SLC4A9: variants seen among roughly 807,000 people sequenced by gnomAD.
The protein encoded by SLC4A9 is anion exchange protein 4.
In SLC4A9, 102 loss-of-function variants were observed where a neutral mutation model predicts 103.2. The observed-to-expected ratio is 0.99, with a 90% CI of 0.84 to 1.17. The LOEUF (loss-of-function observed/expected upper bound fraction) is 1.17, where lower values mean the gene tolerates loss of function less well. Among genes scored for constraint, SLC4A9 ranks in the 50% most tolerant of loss-of-function variants. The pLI is 0.00. For synonymous variants in SLC4A9, 453 were observed against 483.6 expected (o/e 0.94, Z 0.83); for missense variants, 1,091 against 1,193.7 (o/e 0.91, Z 1.27).
At chr5:140,374,739 C>T (rs1769259298) in intron 21 of SLC4A9, 88 bp from the exon 22 acceptor site, 1 of 152,264 alleles carries the variant, frequency 6.6e-6, no homozygotes, top group East Asian at 1.9e-4. Context: ...CCCCTGAGCA[C>T]TTGCTTTGGC....
intron 9 of SLC4A9, 40 bp from the exon 10 acceptor site, chr5:140,364,013 AG>A (rs1405815967): frequency 3.3e-6 from 5 of 1,530,732 alleles, no homozygotes; most frequent in Non-Finnish European, 3.5e-6. Context: ...AAGGACCCCG[AG>A]GACTTCAGGG....
In SLC4A9 at chr5:140,363,902, G is replaced by A; in HGVS notation, c.1254G>A (p.Gln418=). 6.2e-7 allele frequency: 1 copy of A among 1,613,562 alleles called. No homozygotes were observed. The highest frequency in any genetic ancestry group is 8.5e-7 in the Non-Finnish European group (1 of 1,179,770). The change falls in exon 9 of 22, where the codon CAG becomes CAA. Residue 418 remains glutamine (Q), a splice_region_variant and synonymous_variant. Coordinates refer to ENST00000506757, the MANE Select transcript of SLC4A9 (RefSeq NM_031467.3). The surrounding 1 kb of genome is among the most constrained non-coding windows in gnomAD (Gnocchi z 4.5). ...TGGGAGATGCCACTGATGGTGCCCA[G>A]GTGGGTAGGGCCCAGGGGGCAGGCA... ...GLLGDATDGA[Q]GVLESFLGTA...
intron 12 of SLC4A9, 114 bp downstream of exon 12, chr5:140,365,692 C>A: frequency 7.1e-7 from 1 of 1,418,288 alleles, no homozygotes; most frequent in South Asian, 1.3e-5. Context: ...GTGAGTAAAG[C>A]TTAGCCATTT....
intron 12 of SLC4A9, 92 bp from the exon 13 acceptor site, chr5:140,365,733 CCTGGTGTCT>C (rs1472618551): frequency 6.9e-7 from 1 of 1,443,676 alleles, no homozygotes; most frequent in Non-Finnish European, 9.5e-7. Context: ...ATCCTGGGCC[CCTGGTGTCT>C]CTGTGGGTCC....
chr5:140,364,200 C>A lies in SLC4A9; in HGVS notation c.1388+13C>A. ...TCTCTTTCAGCAGGTAGGAGAGCTC[C>A]CCCCATCACCGGACCCTCACTAGTG... is the stretch of plus-strand genomic sequence containing the variant. On this transcript the variant is annotated intron_variant, in intron 10 of 21. Transcript: ENST00000506757. The A allele has an allele frequency of 6.4e-7, 1 of 1,562,192 alleles. No homozygotes were observed. Among genetic ancestry groups the A allele is most frequent in the Non-Finnish European group, 8.7e-7 (1 of 1,153,308 alleles).
intron 20 of SLC4A9, 71 bp downstream of exon 20, chr5:140,372,468 TC>T: frequency 6.4e-7 from 1 of 1,574,650 alleles, no homozygotes; most frequent in African/African-American, 1.4e-5. Context: ...CCAGGAGCTG[TC>T]CCTAAATAAT....
At chr5:140,362,248 G>C in intron 5 of SLC4A9, 74 bp downstream of exon 5, 1 of 1,418,020 alleles carries the variant, frequency 7.1e-7, no homozygotes, top group Non-Finnish European at 9.4e-7. Flanking sequence ...GGGAAGGAGG[G>C]TCTCAGTCTG....
intron 12 of SLC4A9, 90 bp downstream of exon 12, chr5:140,365,668 G>C (rs930555345): frequency 6.7e-7 from 1 of 1,485,780 alleles, no homozygotes; most frequent in African/African-American, 1.4e-5. Context: ...CATAGGTTAA[G>C]GAAACCTTCA....
chr5:140,371,345 C>A, intron 18 of SLC4A9, 106 bp from the exon 19 acceptor site: 1 of 1,478,526 alleles, frequency 6.8e-7, no homozygotes, highest in East Asian at 2.3e-5. Flanking sequence ...GACTCGGCTG[C>A]CATGCTCTCT....
intron 5 of SLC4A9, 59 bp from the exon 6 acceptor site, chr5:140,362,386 C>G: frequency 6.5e-7 from 1 of 1,527,792 alleles, no homozygotes; most frequent in Non-Finnish European, 9.1e-7. Flanking sequence ...GCATCAGAGG[C>G]CAGGGCTGCC....
chr5:140,364,393 C>T lies in SLC4A9; in HGVS notation c.1419C>T (p.Arg473=). The T allele has an allele frequency of 6.2e-7, 1 of 1,613,374 alleles. No homozygotes were observed. The highest frequency in any genetic ancestry group is 1.1e-5 in the South Asian group (1 of 91,032). Residue 473 remains arginine (R), a synonymous_variant, in exon 11 of 22, where the codon CGC becomes CGT. Coordinates refer to ENST00000506757, the MANE Select transcript of SLC4A9 (RefSeq NM_031467.3). The stretch of plus-strand genomic sequence containing the variant: ...ACAGCCTGGACTACCTGCCCTTCCG[C>T]CTATGGGTGGGCATCTGGGTGGCTA... ...RDYSLDYLPF[R]LWVGIWVATF...
chr5:140,364,033 T>G, intron 9 of SLC4A9, 21 bp from the exon 10 acceptor site: 1 of 1,525,756 alleles, frequency 6.6e-7, no homozygotes. Context: ...GGTCCTGTGC[T>G]GAGCCCCTGT....
At chr5:140,362,794 G>A in intron 6 of SLC4A9, 118 bp from the exon 7 acceptor site, 2 of 1,299,198 alleles carry the variant, frequency 1.5e-6, no homozygotes, top group South Asian at 2.4e-5. Flanking sequence ...ATGCATAAAG[G>A]AATGTGTGAA....
Position 140,360,864 on chromosome 5 carries a change from C to G in SLC4A9, c.283C>G (p.Pro95Ala). ...LEVAAGRWSA[P>A]HVPTLALPSL... ...GGTGGCTGCAGGCCGGTGGAGTGCC[C>G]CCCACGTGCCCACCCTGGCACTGCC... is the stretch of plus-strand genomic sequence containing the variant. The change falls in exon 2 of 22, where the codon CCC (proline) becomes GCC (alanine). Residue 95 changes from proline to alanine, a missense_variant. By Grantham distance (27) the Pro-to-Ala change is conservative. Coordinates refer to ENST00000506757, the MANE Select transcript of SLC4A9 (RefSeq NM_031467.3). The G allele has an allele frequency of 6.2e-7, 1 of 1,612,672 alleles. No individual in the cohort carries two copies. The highest frequency in any genetic ancestry group is 1.7e-4 in the Middle Eastern group (1 of 5,932).
At position 140,375,040 on chromosome 5, in the gene SLC4A9, A is replaced by C. The variant is rs186897115; in HGVS notation, c.*259A>C. 1 of 152,254 alleles carries C rather than the reference A, an allele frequency of 6.6e-6. No homozygotes were observed. The highest frequency in any genetic ancestry group is 2.4e-5 in the African/African-American group (1 of 41,524). 9.4% of individuals were successfully genotyped at this position (152,254 alleles called of 1,614,324 possible). A position where few individuals can be genotyped will look rare whatever the true frequency, so the allele number is the denominator to read the frequency against. On this transcript the variant is annotated 3_prime_UTR_variant, in exon 22 of 22. Coordinates refer to ENST00000506757, the MANE Select transcript of SLC4A9 (RefSeq NM_031467.3). ...TTCCCATTTTGAACTTTCTGTCCTCACAGATTCTGTTTGACAGAATCTAAG... is the reference window on the plus strand; with the variant it reads ...TTCCCATTTTGAACTTTCTGTCCTCCCAGATTCTGTTTGACAGAATCTAAG...
Position 140,363,320 on chromosome 5 carries a change from T to G in SLC4A9, c.963-119T>G. ...CCTTCTAGAGGCCCAGGTGTCGCCATGGTTCCCTCGCCGGCAGAGACAAGA... is the reference window on the plus strand; with the variant it reads ...CCTTCTAGAGGCCCAGGTGTCGCCAGGGTTCCCTCGCCGGCAGAGACAAGA... On this transcript the variant is annotated intron_variant, in intron 7 of 21. Transcript: ENST00000506757. This position sits in a 1 kb window ranked among gnomAD's most constrained non-coding sequence, Gnocchi z 4.5. The G allele has an allele frequency of 1.1e-5, 11 of 1,028,050 alleles. No homozygotes were observed. The highest frequency in any genetic ancestry group is 1.6e-5 in the Non-Finnish European group (11 of 703,426). The allele number at this position is 1,028,050 out of a possible 1,614,324, so 63.7% of individuals were successfully genotyped here.
chr5:140,369,488 A>C (rs1417232945), intron 17 of SLC4A9, among the ~76,000 whole-genome samples: 1 of 151,926 alleles, frequency 6.6e-6, no homozygotes, highest in African/African-American at 2.4e-5. Context: ...GCAAAAATTA[A>C]GTAACAAGTA....
At position 140,364,541 on chromosome 5, in the gene SLC4A9, A is replaced by G. The variant is rs911323276; in HGVS notation, c.1567A>G (p.Met523Val). The change falls in exon 11 of 22, where the codon ATG becomes GTG. Residue 523 changes from methionine to valine, a missense_variant. Physicochemically the swap from Met to Val is conservative, Grantham distance 21. Coordinates refer to ENST00000506757, the MANE Select transcript of SLC4A9 (RefSeq NM_031467.3). ...CTTCATCTACGATGCTGTGGGCAAA[A>G]TGCTGAACTTGACCCATACCTATCC... ...LIFIYDAVGKMLNLTHTYPIQ... is the reference protein window; with the variant it reads ...LIFIYDAVGKVLNLTHTYPIQ... 1.2e-6 allele frequency: 2 copies of G among 1,608,224 alleles called. No homozygotes were observed. Among genetic ancestry groups the G allele is most frequent in the Admixed American group, 3.4e-5 (2 of 58,864 alleles).
Position 140,367,460 on chromosome 5 carries a change from G to A in SLC4A9, c.2054G>A (p.Gly685Glu), listed in dbSNP as rs1319030281. ...CGTGGCTGGCTGGTGTCACCTTTTG[G>A]AGCCAACCCCTGGTGGTGGAGTGTG... is the stretch of plus-strand genomic sequence containing the variant. Reference protein sequence around the residue: ...PGRGWLVSPFGANPWWWSVAA... With the variant: ...PGRGWLVSPFEANPWWWSVAA... The change falls in exon 15 of 22, where the codon GGA (glycine) becomes GAA (glutamate). Residue 685 changes from glycine to glutamate, a missense_variant. By Grantham distance (98) the Gly-to-Glu change is moderately conservative. Coordinates refer to ENST00000506757, the MANE Select transcript of SLC4A9 (RefSeq NM_031467.3). The A allele has an allele frequency of 1.9e-6, 3 of 1,610,224 alleles. No individual in the cohort carries two copies. The highest frequency in any genetic ancestry group is 1.7e-6 in the Non-Finnish European group (2 of 1,178,598).
Sources: gnomAD v4.1 joint callset for allele counts (sites outside exome capture counted in the v4.1 genomes callset) on GRCh38, gnomAD v4.1.1 for gene constraint, Gnocchi (gnomAD v3.1) non-coding constraint, MANE v1.5 for transcripts, NCBI Gene and HGNC (gene_info 2026-07-23, HGNC 2026-07-21) for gene names.